Variants in SLC16A9 observed in about 807,000 individuals in gnomAD.
The protein encoded by SLC16A9 is monocarboxylate transporter 9.
A neutral mutation model predicts 44.3 loss-of-function variants in SLC16A9; 26 were observed. The observed-to-expected ratio is 0.59, with a 90% CI of 0.43 to 0.81. SLC16A9 has a LOEUF of 0.81. SLC16A9 is among the 40% of genes least tolerant of loss of function. SLC16A9 has a pLI of 0.00. For synonymous variants in SLC16A9, 230 were observed against 225.1 expected (o/e 1.02, Z -0.19); for missense variants, 559 against 595.8 (o/e 0.94, Z 0.64).
Position 59,702,416 on chromosome 10 carries a change from TG to T in SLC16A9, c.-37+7062del, listed in dbSNP as rs112602293. 7.7e-3 allele frequency among the ~76,000 whole-genome samples: 1,173 copies of T among 152,228 alleles called. 16 individuals carry two copies. Among genetic ancestry groups the T allele is most frequent in the African/African-American group, 0.027 (1,134 of 41,530 alleles). ...TAACATACTCGCTGATGTGAAAGGG[TG>T]GGGGCTGACTCATTACTGGGGCTAG... On this transcript the variant is annotated intron_variant, in intron 1 of 5. Coordinates refer to ENST00000395348, the MANE Select transcript of SLC16A9 (RefSeq NM_194298.3).
In SLC16A9 at chr10:59,667,816, A is replaced by T. The variant is rs370488170; in HGVS notation, c.341-3494T>A. On this transcript the variant is annotated intron_variant, in intron 3 of 5. Coordinates refer to ENST00000395348, the MANE Select transcript of SLC16A9 (RefSeq NM_194298.3). ...AAATTAAATACTTGTACTACTGACCATTCACAGCATCAGTATTAGTAAGGC... is the reference window on the plus strand; with the variant it reads ...AAATTAAATACTTGTACTACTGACCTTTCACAGCATCAGTATTAGTAAGGC... Among the ~76,000 whole-genome samples the T allele has an allele frequency of 3.9e-5, 6 of 152,354 alleles. No homozygotes were observed. The East Asian group carries it at 1.2e-3, about 29-fold the overall frequency.
intron 1 of SLC16A9, among the ~76,000 whole-genome samples, chr10:59,688,143 C>G (rs1840175857): frequency 6.6e-6 from 1 of 152,186 alleles, no homozygotes; most frequent in Non-Finnish European, 1.5e-5. Context: ...TCAGGTGCAA[C>G]AGAGTCTTTG....
intron 3 of SLC16A9, among the ~76,000 whole-genome samples, chr10:59,666,209 GA>G (rs1736837637): frequency 6.6e-6 from 1 of 150,652 alleles, no homozygotes; most frequent in Non-Finnish European, 1.5e-5. Flanking sequence ...TGAGGCAAGA[GA>G]ATCACTTGAA....
At chr10:59,691,377 TA>T (rs1840248529) in intron 1 of SLC16A9, among the ~76,000 whole-genome samples, 2 of 152,286 alleles carry the variant, frequency 1.3e-5, no homozygotes, top group Admixed American at 6.5e-5. Context: ...AACACTAATT[TA>T]GGGGCAGTTT....
intron 5 of SLC16A9, 50 bp from the exon 6 acceptor site, chr10:59,653,000 A>G (rs1326964655): frequency 2.1e-6 from 3 of 1,409,424 alleles, no homozygotes; most frequent in Admixed American, 2.0e-5. Context: ...TAGTATGAAC[A>G]TCCATCCCAT....
At chr10:59,656,716 T>C (rs1346891425) in intron 4 of SLC16A9, among the ~76,000 whole-genome samples, 1 of 152,202 alleles carries the variant, frequency 6.6e-6, no homozygotes, top group Non-Finnish European at 1.5e-5. Context: ...TTTTGTTACA[T>C]AGGTAAATAT....
intron 1 of SLC16A9, among the ~76,000 whole-genome samples, chr10:59,685,144 A>G (rs1380108393): frequency 6.6e-6 from 1 of 152,236 alleles, no homozygotes; most frequent in Non-Finnish European, 1.5e-5. Flanking sequence ...GTAGTATATT[A>G]TACATTACAT....
At chr10:59,661,839 C>A (rs2132419062) in intron 4 of SLC16A9, among the ~76,000 whole-genome samples, 1 of 151,556 alleles carries the variant, frequency 6.6e-6, no homozygotes, top group East Asian at 1.9e-4. Flanking sequence ...CACACATATA[C>A]AACCATCTGA....
rs374460830 is a variant in SLC16A9, at chr10:59,652,724, G to T, written c.*48C>A. On this transcript the variant is annotated 3_prime_UTR_variant, in exon 6 of 6. Transcript: ENST00000395348. ...TTGCTTGAGAATCTGTTAAAATATC[G>T]TTGCTATATGGTATAAAATAGCAAA... 2 of 1,466,528 alleles carry T rather than the reference G, an allele frequency of 1.4e-6. No individual in the cohort carries two copies. Among genetic ancestry groups the T allele is most frequent in the South Asian group, 1.4e-5 (1 of 71,396 alleles). The allele number at this position is 1,466,528 out of a possible 1,614,324, so 90.8% of individuals were successfully genotyped here.
At chr10:59,694,262 C>T (rs1840319549) in intron 1 of SLC16A9, among the ~76,000 whole-genome samples, 1 of 152,122 alleles carries the variant, frequency 6.6e-6, no homozygotes, top group African/African-American at 2.4e-5. Context: ...TTTCGTACAA[C>T]TGTAAATCCA....
At chr10:59,698,048 G>A (rs1247214720) in intron 1 of SLC16A9, among the ~76,000 whole-genome samples, 1 of 151,446 alleles carries the variant, frequency 6.6e-6, no homozygotes, top group African/African-American at 2.4e-5. Context: ...TTTTTTTCTG[G>A]TATTGAAGAA....
At chr10:59,670,955 G>A (rs1381153591) in intron 3 of SLC16A9, among the ~76,000 whole-genome samples, 1 of 151,994 alleles carries the variant, frequency 6.6e-6, no homozygotes, top group African/African-American at 2.4e-5. Flanking sequence ...TAATTACGGT[G>A]GTGAGAGATA....
intron 2 of SLC16A9, among the ~76,000 whole-genome samples, chr10:59,681,446 A>G (rs11006687): frequency 1.1e-4 from 2 of 18,536 alleles, no homozygotes; most frequent in African/African-American, 1.9e-4. Flanking sequence ...ATGTATATGT[A>G]TATGTGTATG....
intron 1 of SLC16A9, among the ~76,000 whole-genome samples, chr10:59,694,939 G>C (rs1004726581): frequency 1.3e-5 from 2 of 150,386 alleles, no homozygotes; most frequent in Admixed American, 1.3e-4. Flanking sequence ...GATAAAGTAT[G>C]ATATATATCT....
At chr10:59,680,130 A>T (rs752676859) in intron 2 of SLC16A9, among the ~76,000 whole-genome samples, 2 of 152,186 alleles carry the variant, frequency 1.3e-5, no homozygotes, top group Non-Finnish European at 2.9e-5. Context: ...TGTATAACCC[A>T]GGAGGGTAGG....
At chr10:59,706,771 G>A (rs766069767) in intron 1 of SLC16A9, among the ~76,000 whole-genome samples, 23 of 151,984 alleles carry the variant, frequency 1.5e-4, no homozygotes, top group Non-Finnish European at 2.8e-4. Flanking sequence ...TCAGAAGTTC[G>A]AGACCAGCCT....
chr10:59,651,763 GCACACACACA>G lies in SLC16A9; in HGVS notation c.*999_*1008del, dbSNP rs143114077. 1.7e-4 allele frequency: 26 copies of G among 150,032 alleles called. No individual in the cohort carries two copies. In the South Asian group the frequency reaches 4.7e-3, roughly 27 times the overall value. The allele number at this position is 150,032 out of a possible 1,614,324, so 9.3% of individuals were successfully genotyped here. A position where few individuals can be genotyped will look rare whatever the true frequency, so the allele number is the denominator to read the frequency against. Reference sequence around the variant, plus strand: ...CCCATGCAGACTTAGAGCATGCATAGCACACACACACACACACACACACACTCACGTTTAA... The same window carrying G: ...CCCATGCAGACTTAGAGCATGCATAGCACACACACACACACTCACGTTTAA... On this transcript the variant is annotated 3_prime_UTR_variant, in exon 6 of 6. Transcript: ENST00000395348.
At chr10:59,659,022 A>C (rs1330815113) in intron 4 of SLC16A9, among the ~76,000 whole-genome samples, 1 of 152,216 alleles carries the variant, frequency 6.6e-6, no homozygotes, top group Non-Finnish European at 1.5e-5. Context: ...ATAACTTGGC[A>C]ACTGTATGTC....
chr10:59,678,231 A>G (rs1250910771), intron 2 of SLC16A9, among the ~76,000 whole-genome samples: 4 of 152,040 alleles, frequency 2.6e-5, no homozygotes, highest in African/African-American at 4.8e-5. Context: ...CCATGCAGCA[A>G]GGATTTCCTA....
Sources: gnomAD v4.1 joint callset for allele counts (sites outside exome capture counted in the v4.1 genomes callset) on GRCh38, gnomAD v4.1.1 for gene constraint, MANE v1.5 for transcripts, NCBI Gene and HGNC (gene_info 2026-07-23, HGNC 2026-07-21) for gene names.